ATF7IP2: variants seen among roughly 807,000 people sequenced by gnomAD.
The protein encoded by ATF7IP2 is activating transcription factor 7 interacting protein 2, also known as activating transcription factor 7-interacting protein 2.
ATF7IP2 carries 42 observed loss-of-function variants against 64.2 expected under a neutral mutation model. That is an observed-to-expected ratio of 0.65 (90% CI 0.51 to 0.85). The LOEUF (loss-of-function observed/expected upper bound fraction) is 0.85, where lower values mean the gene tolerates loss of function less well. Among genes scored for constraint, ATF7IP2 ranks in the 40% least tolerant of loss-of-function variants. The pLI is 0.00. For missense variants in ATF7IP2, 933 were observed against 784.2 expected, an observed-to-expected ratio of 1.19 and a Z score of -2.27; for synonymous variants, 308 against 272.8, an observed-to-expected ratio of 1.13 and a Z score of -1.27.
rs140716573 is a variant in ATF7IP2, at chr16:10,460,391, A to G, written c.1352+2862A>G. Among the ~76,000 whole-genome samples the G allele has an allele frequency of 9.8e-5, 15 of 152,300 alleles. 1 individual carries two copies. Among genetic ancestry groups the G allele is most frequent in the East Asian group, 5.8e-4 (3 of 5,184 alleles). ...CTTTATGACGTGATTCTAAAATGCA[A>G]TGGGTTCAGAGGTCAAGATACTCTT... On this transcript the variant is annotated intron_variant, in intron 9 of 13. Coordinates refer to ENST00000562102, the MANE Select transcript of ATF7IP2 (RefSeq NM_001393719.1).
intron 3 of ATF7IP2, among the ~76,000 whole-genome samples, chr16:10,424,838 A>G (rs1234639494): frequency 6.6e-6 from 1 of 152,164 alleles, no homozygotes; most frequent in Non-Finnish European, 1.5e-5. Context: ...ACAGATAAGA[A>G]GTGTTGGTGA....
intron 8 of ATF7IP2, chr16:10,449,180 A>T (rs2048906837): frequency 6.6e-6 from 1 of 152,168 alleles, no homozygotes; most frequent in Admixed American, 6.5e-5. Flanking sequence ...CGTGGTGGAT[A>T]AGCTTTTTGA....
At position 10,457,444 on chromosome 16, in the gene ATF7IP2, G is replaced by A; in HGVS notation, c.1267G>A (p.Val423Met). The A allele has an allele frequency of 3.7e-6, 6 of 1,607,250 alleles. No homozygotes were observed. Among genetic ancestry groups the A allele is most frequent in the South Asian group, 2.2e-5 (2 of 89,102 alleles). Residue 423 changes from valine to methionine, a missense_variant, in exon 9 of 14, where the codon GTG becomes ATG. Physicochemically the swap from Val to Met is conservative, Grantham distance 21 (BLOSUM62 1). Coordinates refer to ENST00000562102, the MANE Select transcript of ATF7IP2 (RefSeq NM_001393719.1). ...SVNSPIEKSS[V>M]NYEPSNPSEK... ...TAATAGTCCAATTGAAAAGTCTTCT[G>A]TGAATTATGAGCCTTCTAACCCTTC...
At chr16:10,412,093 T>A (rs983037460) in intron 1 of ATF7IP2, among the ~76,000 whole-genome samples, 2 of 147,374 alleles carry the variant, frequency 1.4e-5, no homozygotes, top group African/African-American at 5.0e-5. Flanking sequence ...GTTACATAGG[T>A]ATACATGTGA....
At chr16:10,452,532 G>A (rs1162474587) in intron 8 of ATF7IP2, among the ~76,000 whole-genome samples, 1 of 152,200 alleles carries the variant, frequency 6.6e-6, no homozygotes, top group Admixed American at 6.5e-5. Flanking sequence ...TGTATGAGGT[G>A]TCTGTTGGCC....
chr16:10,404,803 A>G (rs1277793236), intron 1 of ATF7IP2, among the ~76,000 whole-genome samples: 2 of 152,062 alleles, frequency 1.3e-5, no homozygotes, highest in Non-Finnish European at 2.9e-5. Flanking sequence ...TTGGCCTCCC[A>G]AGGTGCTGGT....
chr16:10,395,045 A>T (rs1378858410), intron 1 of ATF7IP2, among the ~76,000 whole-genome samples: 1 of 152,102 alleles, frequency 6.6e-6, no homozygotes, highest in Non-Finnish European at 1.5e-5. Context: ...CATTTTCTTA[A>T]ACGATCAAGA....
At chr16:10,398,750 T>C (rs761733759) in intron 1 of ATF7IP2, among the ~76,000 whole-genome samples, 7 of 152,138 alleles carry the variant, frequency 4.6e-5, no homozygotes, top group African/African-American at 1.2e-4. Context: ...AGAAAGGTGA[T>C]TTTACAGCTG....
chr16:10,416,214 A>T (rs117152775), intron 2 of ATF7IP2, among the ~76,000 whole-genome samples: 2,575 of 152,360 alleles, frequency 0.017, 73 homozygotes, highest in East Asian at 0.13. Flanking sequence ...GCTCATCAGC[A>T]GATAAATGGA....
chr16:10,413,349 C>A (rs189330681), intron 1 of ATF7IP2, among the ~76,000 whole-genome samples: 1 of 152,068 alleles, frequency 6.6e-6, no homozygotes, highest in African/African-American at 2.4e-5. Context: ...CAGGGGTTTC[C>A]GCTTTTGCTG....
At chr16:10,432,986 ATT>A (rs2048307866) in intron 5 of ATF7IP2, among the ~76,000 whole-genome samples, 1 of 152,204 alleles carries the variant, frequency 6.6e-6, no homozygotes, top group Non-Finnish European at 1.5e-5. Context: ...GTATATGTGT[ATT>A]GAGTTATTAA....
Position 10,480,930 on chromosome 16 carries a change from A to C in ATF7IP2, c.1601A>C (p.Lys534Thr). Residue 534 changes from lysine (K) to threonine (T), a missense_variant, in exon 13 of 14, where the codon AAG (lysine) becomes ACG (threonine). Transcript: ENST00000562102. The stretch of plus-strand genomic sequence containing the variant: ...CATTCGAAAGCTGCTTCAAACTCAA[A>C]GGAAACAACCCCATTGGCACAAAAT... The part of the protein sequence containing the change: ...ESHSKAASNS[K>T]ETTPLAQNAV... 1.2e-6 allele frequency: 2 copies of C among 1,613,052 alleles called. No individual in the cohort carries two copies. The highest frequency in any genetic ancestry group is 1.7e-6 in the Non-Finnish European group (2 of 1,179,028).
intron 1 of ATF7IP2, among the ~76,000 whole-genome samples, chr16:10,393,536 CTT>C (rs1395541656): frequency 6.6e-6 from 1 of 152,042 alleles, no homozygotes; most frequent in African/African-American, 2.4e-5. Flanking sequence ...AAATTCAAGA[CTT>C]CAGTATAAAA....
intron 8 of ATF7IP2, among the ~76,000 whole-genome samples, chr16:10,443,346 A>T (rs966312340): frequency 6.6e-6 from 1 of 152,156 alleles, no homozygotes; most frequent in Non-Finnish European, 1.5e-5. Context: ...GCTGGACTTC[A>T]GGCAATAGCA....
At chr16:10,422,782 C>T (rs1379317463) in intron 3 of ATF7IP2, among the ~76,000 whole-genome samples, 5 of 152,156 alleles carry the variant, frequency 3.3e-5, no homozygotes, top group Admixed American at 2.0e-4. Context: ...CCAAATCCTC[C>T]TGTTCGTTTA....
intron 1 of ATF7IP2, among the ~76,000 whole-genome samples, chr16:10,408,028 C>G (rs572701128): frequency 6.6e-6 from 1 of 152,016 alleles, no homozygotes; most frequent in Non-Finnish European, 1.5e-5. Context: ...TCTCCAGCCT[C>G]AGCCTCCCAA....
chr16:10,471,443 G>A (rs558497833), intron 9 of ATF7IP2, among the ~76,000 whole-genome samples: 12 of 152,130 alleles, frequency 7.9e-5, no homozygotes, highest in East Asian at 1.9e-4. Flanking sequence ...CAGGAGAATC[G>A]CTTGAACCTG....
chr16:10,454,799 A>G (rs997674286), intron 8 of ATF7IP2, among the ~76,000 whole-genome samples: 5 of 152,198 alleles, frequency 3.3e-5, no homozygotes, highest in African/African-American at 1.2e-4. Context: ...CATCAGTTCA[A>G]AATGATTTAT....
intron 9 of ATF7IP2, among the ~76,000 whole-genome samples, chr16:10,466,397 G>T (rs1047188464): frequency 6.6e-6 from 1 of 152,206 alleles, no homozygotes; most frequent in Non-Finnish European, 1.5e-5. Flanking sequence ...ATGCCTAGAA[G>T]TGGAATTGCT....
Sources: gnomAD v4.1 joint callset for allele counts (sites outside exome capture counted in the v4.1 genomes callset) on GRCh38, gnomAD v4.1.1 for gene constraint, MANE v1.5 for transcripts, NCBI Gene and HGNC (gene_info 2026-07-23, HGNC 2026-07-21) for gene names.